Variants in ASTN1 observed in about 807,000 individuals in gnomAD.
ASTN1 encodes the protein astrotactin-1.
Under a neutral mutation model 140.7 loss-of-function variants are expected in ASTN1, and 41 were observed. The observed-to-expected ratio is 0.29, with a 90% CI of 0.23 to 0.38. The LOEUF (loss-of-function observed/expected upper bound fraction) is 0.38. Among genes scored for constraint, ASTN1 ranks in the 10% least tolerant of loss-of-function variants. The probability of loss-of-function intolerance (pLI) is 1.00; values close to 1 mark genes in which losing one functional copy is unlikely to be tolerated. For synonymous variants in ASTN1, 640 were observed against 652.2 expected, an observed-to-expected ratio of 0.98 and a Z score of 0.29; for missense variants, 1,479 against 1,678.8, an observed-to-expected ratio of 0.88 and a Z score of 2.08.
chr1:176,923,592 T>C (rs1316693755), intron 16 of ASTN1, among the ~76,000 whole-genome samples: 1 of 152,220 alleles, frequency 6.6e-6, no homozygotes, highest in Non-Finnish European at 1.5e-5. Context: ...CATCTAACTT[T>C]TATTACAGTA....
intron 8 of ASTN1, among the ~76,000 whole-genome samples, chr1:177,007,401 A>T (rs536983196): frequency 2.0e-5 from 3 of 152,280 alleles, no homozygotes; most frequent in East Asian, 3.9e-4. Flanking sequence ...CAAAAAAAAA[A>T]TTAATAAAAT....
intron 2 of ASTN1, among the ~76,000 whole-genome samples, chr1:177,044,165 G>GAAAA (rs1033255179): frequency 2.3e-5 from 3 of 127,936 alleles, no homozygotes; most frequent in Non-Finnish European, 3.4e-5. Context: ...TTTAAGAAAT[G>GAAAA]AAAAAAAAAA....
Position 176,864,174 on chromosome 1 carries a change from G to A in ASTN1, c.*110C>T. ...CTTTCTCCCTGGTTTCGATGTTGCT[G>A]TGGAGGTTTTCATGTTCCATTAAAA... On this transcript the variant is annotated 3_prime_UTR_variant, in exon 23 of 23. Coordinates refer to ENST00000361833, the MANE Select transcript of ASTN1 (RefSeq NM_004319.3). 2 of 1,507,224 alleles carry A rather than the reference G, an allele frequency of 1.3e-6. No homozygotes were observed. The highest frequency in any genetic ancestry group is 2.1e-5 in the Admixed American group (1 of 46,652). The allele number at this position is 1,507,224 out of a possible 1,614,324, so 93.4% of individuals were successfully genotyped here. A position where few individuals can be genotyped will look rare whatever the true frequency, so the allele number is the denominator to read the frequency against.
chr1:176,929,150 A>T (rs978396678), intron 16 of ASTN1, among the ~76,000 whole-genome samples: 1 of 152,160 alleles, frequency 6.6e-6, no homozygotes, highest in African/African-American at 2.4e-5. Context: ...CAGTGGCTGG[A>T]GAGGTGAGAG....
At chr1:177,108,222 G>A (rs372027673) in intron 1 of ASTN1, among the ~76,000 whole-genome samples, 16 of 151,808 alleles carry the variant, frequency 1.1e-4, no homozygotes, top group East Asian at 5.8e-4. Flanking sequence ...GGTGGTGCAC[G>A]CCTGTAGTCC....
chr1:177,049,489 G>A (rs56856418), intron 2 of ASTN1, among the ~76,000 whole-genome samples: 3 of 152,118 alleles, frequency 2.0e-5, no homozygotes, highest in Admixed American at 6.5e-5. Context: ...AAACATGAAC[G>A]CCAAAGTTTT....
chr1:176,921,953 T>C (rs1670743052), intron 16 of ASTN1, among the ~76,000 whole-genome samples: 1 of 152,130 alleles, frequency 6.6e-6, no homozygotes, highest in Non-Finnish European at 1.5e-5. Flanking sequence ...CATTCACTCG[T>C]TTATTCAAAA....
chr1:177,017,802 T>A (rs1675633634), intron 7 of ASTN1, among the ~76,000 whole-genome samples: 1 of 152,180 alleles, frequency 6.6e-6, no homozygotes, highest in Non-Finnish European at 1.5e-5. Context: ...GATCTGTGCT[T>A]GGTACCCTGA....
At chr1:176,935,256 T>G (rs1671391951) in intron 15 of ASTN1, among the ~76,000 whole-genome samples, 1 of 152,220 alleles carries the variant, frequency 6.6e-6, no homozygotes, top group Non-Finnish European at 1.5e-5. Flanking sequence ...GCGACACCAT[T>G]GTGTGACTTT....
At chr1:176,898,394 C>T (rs1220464682) in intron 16 of ASTN1, among the ~76,000 whole-genome samples, 1 of 152,208 alleles carries the variant, frequency 6.6e-6, no homozygotes, top group East Asian at 1.9e-4. Context: ...GAGCAGCAAG[C>T]TCCCAAAAGC....
At chr1:177,147,474 A>T (rs1445258821) in intron 1 of ASTN1, among the ~76,000 whole-genome samples, 1 of 152,240 alleles carries the variant, frequency 6.6e-6, no homozygotes, top group Non-Finnish European at 1.5e-5. Context: ...TTAGAATTAG[A>T]ATATTACCAA....
chr1:177,012,648 C>T (rs1242496105), intron 8 of ASTN1, among the ~76,000 whole-genome samples: 1 of 152,170 alleles, frequency 6.6e-6, no homozygotes, highest in Admixed American at 6.5e-5. Context: ...TCCCCTGAGA[C>T]TCTTGTCTAC....
At chr1:176,961,980 A>T (rs1344967618) in intron 9 of ASTN1, among the ~76,000 whole-genome samples, 2 of 152,230 alleles carry the variant, frequency 1.3e-5, no homozygotes, top group African/African-American at 4.8e-5. Context: ...CACTCACCAG[A>T]GAGTGCTCTC....
chr1:176,888,726 G>A (rs766326064), intron 17 of ASTN1, among the ~76,000 whole-genome samples: 3 of 152,122 alleles, frequency 2.0e-5, no homozygotes, highest in African/African-American at 2.4e-5. Flanking sequence ...TTGGCATTAG[G>A]CATTTCTTTC....
intron 8 of ASTN1, among the ~76,000 whole-genome samples, chr1:177,003,699 C>A (rs1386839478): frequency 6.6e-6 from 1 of 152,002 alleles, no homozygotes; most frequent in East Asian, 1.9e-4. Context: ...GTACTCCCAG[C>A]TACTCGGGAG....
intron 8 of ASTN1, among the ~76,000 whole-genome samples, chr1:176,979,654 C>T (rs764425851): frequency 1.3e-5 from 2 of 151,944 alleles, no homozygotes; most frequent in African/African-American, 2.4e-5. Flanking sequence ...TAGCAGCATG[C>T]GGCAGAGTTC....
intron 21 of ASTN1, among the ~76,000 whole-genome samples, chr1:176,873,929 C>T (rs1668457874): frequency 6.6e-6 from 1 of 152,156 alleles, no homozygotes; most frequent in African/African-American, 2.4e-5. Flanking sequence ...GTTGTCTGCT[C>T]CCAGCAAACT....
intron 7 of ASTN1, among the ~76,000 whole-genome samples, chr1:177,019,524 G>A (rs1675714402): frequency 6.6e-6 from 1 of 152,230 alleles, no homozygotes; most frequent in African/African-American, 2.4e-5. Context: ...GTGCTCAGCA[G>A]AAGATTGGGA....
intron 16 of ASTN1, among the ~76,000 whole-genome samples, chr1:176,911,367 ATTAACT>A (rs2103060075): frequency 6.6e-6 from 1 of 152,252 alleles, no homozygotes; most frequent in Non-Finnish European, 1.5e-5. Flanking sequence ...GCAATAATAA[ATTAACT>A]TTAGCTTACT....
Sources: gnomAD v4.1 joint callset for allele counts (sites outside exome capture counted in the v4.1 genomes callset) on GRCh38, gnomAD v4.1.1 for gene constraint, MANE v1.5 for transcripts, NCBI Gene and HGNC (gene_info 2026-07-23, HGNC 2026-07-21) for gene names.